The following ZFHX3 variants were observed in gnomAD, a reference collection of about 807,000 sequenced individuals.
ZFHX3 encodes zinc finger homeobox 3.
In ZFHX3, 42 loss-of-function variants were observed where a neutral mutation model predicts 279.1. The ratio of observed to expected loss-of-function variants is 0.15; its 90% confidence interval spans 0.12 to 0.19. ZFHX3 has a LOEUF of 0.19. Among genes scored for constraint, ZFHX3 ranks in the 10% least tolerant of loss-of-function variants. The pLI is 1.00. For synonymous variants in ZFHX3, 2,293 were observed against 1,957.8 expected, an observed-to-expected ratio of 1.17 and a Z score of -4.52; for missense variants, 4,981 against 4,754.0, an observed-to-expected ratio of 1.05 and a Z score of -1.40.
chr16:72,906,827 A>C (rs1485181436), intron 3 of ZFHX3, among the ~76,000 whole-genome samples: 1 of 151,950 alleles, frequency 6.6e-6, no homozygotes. Context: ...AAAACTAATG[A>C]CTGGGAAAAT....
chr16:73,582,421 A>T (rs2051871606), intron 2 of ZFHX3, among the ~76,000 whole-genome samples: 1 of 151,326 alleles, frequency 6.6e-6, no homozygotes, highest in African/African-American at 2.5e-5. Context: ...CGTTCTTCAC[A>T]GTTAGGATAT....
intron 2 of ZFHX3, among the ~76,000 whole-genome samples, chr16:73,649,426 C>T (rs2052650519): frequency 6.6e-6 from 1 of 152,106 alleles, no homozygotes; most frequent in Admixed American, 6.5e-5. Context: ...GATTCCCTTT[C>T]AGAACATAAA....
intron 3 of ZFHX3, among the ~76,000 whole-genome samples, chr16:72,932,379 C>T (rs1426044137): frequency 6.6e-6 from 1 of 152,160 alleles, no homozygotes; most frequent in African/African-American, 2.4e-5. Context: ...TGCAGCTGGA[C>T]TTGAATCACT....
chr16:73,049,011 A>G (rs1364488180), upstream of ZFHX3, among the ~76,000 whole-genome samples: 3 of 152,326 alleles, frequency 2.0e-5, no homozygotes, highest in Middle Eastern at 0.01. Context: ...TCCTACCGCC[A>G]GGGTAAGATT....
At chr16:72,843,973 G>C (rs993468704) in intron 4 of ZFHX3, among the ~76,000 whole-genome samples, 2 of 152,098 alleles carry the variant, frequency 1.3e-5, no homozygotes, top group Non-Finnish European at 2.9e-5. Flanking sequence ...CACATTTAAA[G>C]AAAGGACAAG....
At chr16:73,235,204 G>A (rs957985558) in intron 5 of ZFHX3, among the ~76,000 whole-genome samples, 1 of 152,080 alleles carries the variant, frequency 6.6e-6, no homozygotes, top group African/African-American at 2.4e-5. Context: ...TGAGTAGCTG[G>A]GATTACAGGT....
chr16:73,180,843 A>G (rs1967774006), intron 5 of ZFHX3, among the ~76,000 whole-genome samples: 1 of 151,740 alleles, frequency 6.6e-6, no homozygotes, highest in African/African-American at 2.4e-5. Context: ...TTGCATTTCT[A>G]GTTGAGACAG....
chr16:73,456,335 T>G (rs2018371087), intron 2 of ZFHX3: 1 of 152,176 alleles, frequency 6.6e-6, no homozygotes, highest in Non-Finnish European at 1.5e-5. Flanking sequence ...AAGAGATACA[T>G]TCCTCCCCAC....
intron 3 of ZFHX3, among the ~76,000 whole-genome samples, chr16:72,938,915 A>C (rs1371498682): frequency 6.6e-6 from 1 of 152,170 alleles, no homozygotes; most frequent in Non-Finnish European, 1.5e-5. Context: ...GAAAGTGAAC[A>C]ACCACGCACA....
At chr16:72,849,036 C>A (rs911066592) in intron 4 of ZFHX3, among the ~76,000 whole-genome samples, 1 of 152,064 alleles carries the variant, frequency 6.6e-6, no homozygotes, top group Non-Finnish European at 1.5e-5. Context: ...TTCTTTCTTT[C>A]GTCTAGCAAA....
At chr16:72,790,808 T>A (rs1028804424) in intron 9 of ZFHX3, 1 of 152,188 alleles carries the variant, frequency 6.6e-6, no homozygotes, top group African/African-American at 2.4e-5. Context: ...CTGCTCTCAG[T>A]GGGGCAAGGA....
chr16:73,115,371 T>A (rs1166165376), intron 7 of ZFHX3, among the ~76,000 whole-genome samples: 7 of 98,096 alleles, frequency 7.1e-5, no homozygotes, highest in African/African-American at 2.7e-4. Context: ...TGGGACCCTA[T>A]CTCTACAAAA....
In ZFHX3 at chr16:73,305,326, T is replaced by C. The variant is rs967104611; in HGVS notation, c.-1194+12914A>G. Among the ~76,000 whole-genome samples the C allele has an allele frequency of 3.3e-5, 5 of 152,044 alleles. No individual in the cohort carries two copies. In the South Asian group the frequency reaches 1.0e-3, roughly 32 times the overall value. On this transcript the variant is annotated intron_variant, in intron 4 of 17. Transcript: ENST00000641206. Reference sequence around the variant, plus strand: ...GCCCAAGTTTGGGTCAATACATCATTATGAAGGAGAGCAACAGAAATCTGT... The same window carrying C: ...GCCCAAGTTTGGGTCAATACATCATCATGAAGGAGAGCAACAGAAATCTGT...
At chr16:73,624,967 C>T (rs2052401949) in intron 2 of ZFHX3, among the ~76,000 whole-genome samples, 2 of 152,188 alleles carry the variant, frequency 1.3e-5, no homozygotes, top group African/African-American at 2.4e-5. Flanking sequence ...GCTGATGGTC[C>T]CATTTTCATG....
At chr16:72,949,314 G>C (rs368016626) in intron 3 of ZFHX3, among the ~76,000 whole-genome samples, 1 of 152,182 alleles carries the variant, frequency 6.6e-6, no homozygotes, top group African/African-American at 2.4e-5. Flanking sequence ...AGTGTGAAAG[G>C]CAGGAGGAGA....
At chr16:73,527,654 T>C (rs1459062994) in intron 2 of ZFHX3, among the ~76,000 whole-genome samples, 2 of 152,224 alleles carry the variant, frequency 1.3e-5, no homozygotes, top group African/African-American at 4.8e-5. Flanking sequence ...CTGTCTTCCT[T>C]GCTCTCTTTC....
chr16:73,823,025 G>A (rs78682126), intron 1 of ZFHX3, among the ~76,000 whole-genome samples: 6,615 of 152,264 alleles, frequency 0.043, 282 homozygotes, highest in African/African-American at 0.12. Context: ...CAGTAAGCAC[G>A]TGGAAGCCGA....
chr16:73,261,630 C>T (rs1301396590), intron 4 of ZFHX3, among the ~76,000 whole-genome samples: 1 of 147,046 alleles, frequency 6.8e-6, no homozygotes, highest in Non-Finnish European at 1.5e-5. Context: ...CCAATTTGAT[C>T]ACTATTCCTT....
At chr16:73,349,597 T>C (rs1437750238) in intron 3 of ZFHX3, among the ~76,000 whole-genome samples, 1 of 149,720 alleles carries the variant, frequency 6.7e-6, no homozygotes, top group South Asian at 2.1e-4. Context: ...GCTTTACCTC[T>C]CTCTCTCCCT....
Sources: gnomAD v4.1 joint callset for allele counts (sites outside exome capture counted in the v4.1 genomes callset) on GRCh38, gnomAD v4.1.1 for gene constraint, MANE v1.5 for transcripts, NCBI Gene and HGNC (gene_info 2026-07-23, HGNC 2026-07-21) for gene names.